Variants in PRDM16 observed in about 807,000 individuals in gnomAD.
The protein encoded by PRDM16 is PR/SET domain 16.
PRDM16 carries 23 observed loss-of-function variants against 110.6 expected under a neutral mutation model. The ratio of observed to expected loss-of-function variants is 0.21; its 90% CI spans 0.15 to 0.29. The LOEUF (loss-of-function observed/expected upper bound fraction) is 0.29. Ranked by LOEUF, PRDM16 falls within the 10% of genes least tolerant of loss-of-function variation. The pLI, the probability that PRDM16 is intolerant of heterozygous loss-of-function variation, is 1.00. For missense variants in PRDM16, 1,615 were observed against 1,794.3 expected, an observed-to-expected ratio of 0.90 and a Z score of 1.81; for synonymous variants, 799 against 781.8, an observed-to-expected ratio of 1.02 and a Z score of -0.37.
intron 3 of PRDM16, among the ~76,000 whole-genome samples, chr1:3,256,413 C>T (rs921942888): frequency 3.3e-5 from 5 of 152,276 alleles, no homozygotes; most frequent in South Asian, 2.1e-4. Context: ...TTAATAATAA[C>T]GGGCTGATAC....
At chr1:3,173,345 C>A (rs1644049456) in intron 1 of PRDM16, among the ~76,000 whole-genome samples, 1 of 152,240 alleles carries the variant, frequency 6.6e-6, no homozygotes, top group African/African-American at 2.4e-5. Context: ...TCAGCGCCTG[C>A]CCGGGGCGAT....
chr1:3,181,019 TGCGGTCTTACACGCGGTCTTACACAC>T lies in PRDM16; in HGVS notation c.38-5103_38-5078del, dbSNP rs1336011565. 4.2e-3 allele frequency among the ~76,000 whole-genome samples: 473 copies of T among 113,166 alleles called. 8 individuals are homozygous for T. The highest frequency in any genetic ancestry group is 0.015 in the African/African-American group (452 of 29,736). The allele number at this position is 113,166 out of a possible 152,430, so 74.2% of individuals were successfully genotyped here. On this transcript the variant is annotated intron_variant, in intron 1 of 16. Transcript: ENST00000270722. ...ACGATCTTACACGCGGTCTTACAAA[TGCGGTCTTACACGCGGTCTTACACAC>T]GCAGTCTTACACGCGGTCTTACACA...
intron 3 of PRDM16, among the ~76,000 whole-genome samples, chr1:3,280,216 G>A (rs979938106): frequency 3.3e-5 from 5 of 152,222 alleles, no homozygotes; most frequent in Non-Finnish European, 7.3e-5. Context: ...GTGGCTTGTT[G>A]AAGCCGACTC....
chr1:3,280,163 G>C (rs540676835), intron 3 of PRDM16, among the ~76,000 whole-genome samples: 4 of 152,216 alleles, frequency 2.6e-5, no homozygotes, highest in Non-Finnish European at 4.4e-5. Context: ...GCATGGGTAG[G>C]GGGTGGCTGC....
chr1:3,142,933 C>T (rs1463632114), intron 1 of PRDM16, among the ~76,000 whole-genome samples: 2 of 152,246 alleles, frequency 1.3e-5, no homozygotes, highest in Non-Finnish European at 2.9e-5. Context: ...CAACTGCCCC[C>T]TGGCCGGGGC....
chr1:3,249,804 A>G (rs556492751), intron 3 of PRDM16, among the ~76,000 whole-genome samples: 1 of 152,250 alleles, frequency 6.6e-6, no homozygotes, highest in Non-Finnish European at 1.5e-5. Flanking sequence ...AGGGTTGCTG[A>G]TAAAAGAATC....
Position 3,404,852 on chromosome 1 carries a change from G to A in PRDM16, c.998G>A (p.Ser333Asn). 1 of 1,613,416 alleles carries A rather than the reference G, an allele frequency of 6.2e-7. No individual in the cohort carries two copies. Among genetic ancestry groups the A allele is most frequent in the East Asian group, 2.2e-5 (1 of 44,876 alleles). Residue 333 changes from serine to asparagine, a missense_variant, in exon 7 of 17, where the codon AGC becomes AAC. Ser to Asn is a conservative substitution (Grantham distance 46). Transcript: ENST00000270722. Reference protein sequence around the residue: ...NLIRHQMSHDSGKRFECENCV... With the variant: ...NLIRHQMSHDNGKRFECENCV... ...ATCCGCCACCAGATGTCCCACGACA[G>A]CGGCAAACGCTTCGAATGTGAAAAC...
intron 1 of PRDM16, among the ~76,000 whole-genome samples, chr1:3,085,613 A>G (rs530763402): frequency 7.2e-5 from 11 of 152,246 alleles, no homozygotes; most frequent in African/African-American, 2.6e-4. Context: ...GAGTGGGGTA[A>G]TCCATCCTCG....
rs570410446 is a variant in PRDM16, at chr1:3,200,814, A to G, written c.387+14340A>G. On this transcript the variant is annotated intron_variant, in intron 2 of 16. Transcript: ENST00000270722. ...GCGAGTGTCTCCTGCACCTAATCCC[A>G]GCCTCCACCCCGATGATGCTGCCTG... Among the ~76,000 whole-genome samples the G allele has an allele frequency of 1.2e-3, 180 of 152,268 alleles. 1 individual carries two copies. The highest frequency in any genetic ancestry group is 4.2e-3 in the African/African-American group (174 of 41,544).
At chr1:3,408,821 T>G (rs1360541130) in intron 8 of PRDM16, among the ~76,000 whole-genome samples, 2 of 139,800 alleles carry the variant, frequency 1.4e-5, no homozygotes, top group African/African-American at 5.6e-5. Context: ...TGTGGGCGCG[T>G]GAGCTGGTGC....
intron 3 of PRDM16, among the ~76,000 whole-genome samples, chr1:3,295,475 G>A (rs1209200875): frequency 6.6e-6 from 1 of 152,166 alleles, no homozygotes; most frequent in African/African-American, 2.4e-5. Context: ...ACCTCCAGGA[G>A]CACCAGCGTG....
chr1:3,188,942 G>T (rs1638220799), intron 2 of PRDM16, among the ~76,000 whole-genome samples: 2 of 152,236 alleles, frequency 1.3e-5, no homozygotes, highest in Admixed American at 6.5e-5. Flanking sequence ...GGGCCTTTGG[G>T]CAGGAAAACT....
In PRDM16 at chr1:3,404,835, C is replaced by T; in HGVS notation, c.981C>T (p.His327=). The change falls in exon 7 of 17, where the codon CAC becomes CAT. Residue 327 remains histidine (H), a synonymous_variant. Coordinates refer to ENST00000270722, the MANE Select transcript of PRDM16 (RefSeq NM_022114.4). The stretch of plus-strand genomic sequence containing the variant: ...ACTGGAAGTCCAACCTCATCCGCCA[C>T]CAGATGTCCCACGACAGCGGCAAAC... ...AFNWKSNLIR[H]QMSHDSGKRF... 1 of 1,613,584 alleles carries T rather than the reference C, an allele frequency of 6.2e-7. No individual in the cohort carries two copies. The highest frequency in any genetic ancestry group is 8.5e-7 in the Non-Finnish European group (1 of 1,180,000).
chr1:3,203,408 G>A (rs1168055858), intron 2 of PRDM16, among the ~76,000 whole-genome samples: 1 of 152,268 alleles, frequency 6.6e-6, no homozygotes, highest in Admixed American at 6.5e-5. Flanking sequence ...TGCTGTGACT[G>A]AGAGGCAGGT....
chr1:3,180,909 T>TACACGCAGCCTTAC lies in PRDM16; in HGVS notation c.38-5205_38-5192dup, dbSNP rs145561263. 9.8e-4 allele frequency among the ~76,000 whole-genome samples: 128 copies of TACACGCAGCCTTAC among 131,128 alleles called. No individual in the cohort carries two copies. In the East Asian group the frequency reaches 0.014, roughly 14 times the overall value. 86.0% of individuals were successfully genotyped at this position (131,128 alleles called of 152,430 possible). A position where few individuals can be genotyped will look rare whatever the true frequency, so the allele number is the denominator to read the frequency against. On this transcript the variant is annotated intron_variant, in intron 1 of 16. Coordinates refer to ENST00000270722, the MANE Select transcript of PRDM16 (RefSeq NM_022114.4). ...ACACACGGCCTCACACACGCAGTCT[T>TACACGCAGCCTTAC]ACACGCAGCCTTACACACGCAGCCA...
intron 2 of PRDM16, among the ~76,000 whole-genome samples, chr1:3,238,337 G>T (rs551679747): frequency 6.6e-6 from 1 of 152,116 alleles, no homozygotes; most frequent in Non-Finnish European, 1.5e-5. Context: ...TTTCTGTGCC[G>T]TACTTGACTG....
rs564721844 is a variant in PRDM16 at position 3,174,844 on chromosome 1, C to T, written c.38-11281C>T. ...TTCAACGTTCCCCAGTCTCTGTGGG[C>T]CAGGTCCCGGGTGCAGGTTTGAGAT... On this transcript the variant is annotated intron_variant, in intron 1 of 16. Coordinates refer to ENST00000270722, the MANE Select transcript of PRDM16 (RefSeq NM_022114.4). 5.3e-5 allele frequency among the ~76,000 whole-genome samples: 8 copies of T among 152,306 alleles called. No homozygotes were observed. In the South Asian group the frequency reaches 1.7e-3, roughly 32 times the overall value.
intron 15 of PRDM16, 134 bp from the exon 16 acceptor site, chr1:3,431,832 G>C: frequency 6.0e-6 from 5 of 830,876 alleles, no homozygotes; most frequent in Non-Finnish European, 9.6e-6. Context: ...CCGTGTGTCT[G>C]TCTCCCTGTG....
At position 3,401,418 on chromosome 1, in the gene PRDM16, G is replaced by A. The variant is rs576115408; in HGVS notation, c.677-1373G>A. Among the ~76,000 whole-genome samples the A allele has an allele frequency of 9.2e-5, 14 of 152,232 alleles. No individual in the cohort carries two copies. The East Asian group carries it at 2.5e-3, about 27-fold the overall frequency. ...GGGCACTGGGTCAGTCCTCGTGCAC[G>A]TGCATACACACCCAAACACACATTC... On this transcript the variant is annotated intron_variant, in intron 5 of 16. Transcript: ENST00000270722.
Sources: allele counts gnomAD v4.1 joint callset (sites outside exome capture counted in the v4.1 genomes callset), GRCh38; gene constraint gnomAD v4.1.1; transcripts MANE v1.5; gene names NCBI Gene and HGNC (gene_info 2026-07-23, HGNC 2026-07-21).